Variants in ARL8B observed in about 807,000 individuals in gnomAD.
ARL8B encodes ADP-ribosylation factor-like protein 8B.
Under a neutral mutation model 30.6 loss-of-function variants are expected in ARL8B, and 9 were observed. That is an observed-to-expected ratio of 0.29 (90% CI 0.18 to 0.51). The LOEUF (loss-of-function observed/expected upper bound fraction) is 0.51, where lower values mean the gene tolerates loss of function less well. Ranked by LOEUF, ARL8B falls within the 20% of genes least tolerant of loss-of-function variation. ARL8B has a pLI of 0.97. For synonymous variants in ARL8B, 74 were observed against 76.0 expected, an observed-to-expected ratio of 0.97 and a Z score of 0.14; for missense variants, 130 against 227.2, an observed-to-expected ratio of 0.57 and a Z score of 2.75.
chr3:5,177,873 G>C (rs1006381964), intron 6 of ARL8B, among the ~76,000 whole-genome samples: 1 of 152,242 alleles, frequency 6.6e-6, no homozygotes, highest in Non-Finnish European at 1.5e-5. Context: ...TTAAGGTGCA[G>C]AGGTGCTTCT....
intron 1 of ARL8B, among the ~76,000 whole-genome samples, chr3:5,137,113 A>G (rs2054332868): frequency 6.6e-6 from 1 of 152,090 alleles, no homozygotes; most frequent in Admixed American, 6.6e-5. Context: ...TAAATTCTGG[A>G]TATGCCAGAA....
chr3:5,142,764 AC>A (rs1341465535), intron 1 of ARL8B, among the ~76,000 whole-genome samples: 1 of 152,114 alleles, frequency 6.6e-6, no homozygotes, highest in Non-Finnish European at 1.5e-5. Context: ...TAGTTTGAGA[AC>A]AAATCACCCT....
At chr3:5,133,852 G>T (rs2054303830) in intron 1 of ARL8B, among the ~76,000 whole-genome samples, 1 of 152,196 alleles carries the variant, frequency 6.6e-6, no homozygotes. Flanking sequence ...GTGGTAAGGG[G>T]ATGGCTTGAG....
intron 1 of ARL8B, among the ~76,000 whole-genome samples, chr3:5,136,531 A>G (rs1476104121): frequency 2.0e-5 from 3 of 152,014 alleles, no homozygotes; most frequent in South Asian, 4.2e-4. Flanking sequence ...TTCCATGTGC[A>G]TTTTTTGCTT....
intron 6 of ARL8B, among the ~76,000 whole-genome samples, chr3:5,177,559 T>G (rs2054741337): frequency 1.3e-5 from 2 of 151,514 alleles, no homozygotes; most frequent in Non-Finnish European, 2.9e-5. Flanking sequence ...TGGGTTCAAG[T>G]GATCTCCTGC....
At chr3:5,169,963 A>G (rs567416993) in intron 1 of ARL8B, among the ~76,000 whole-genome samples, 1 of 152,350 alleles carries the variant, frequency 6.6e-6, no homozygotes, top group African/African-American at 2.4e-5. Flanking sequence ...GTATGTGGCT[A>G]GCATAAGGCC....
At chr3:5,122,924 C>T (rs530691842) in intron 1 of ARL8B, among the ~76,000 whole-genome samples, 2 of 152,296 alleles carry the variant, frequency 1.3e-5, no homozygotes, top group East Asian at 3.9e-4. Flanking sequence ...TGGGTTTGCC[C>T]AGTAGGGGCA....
chr3:5,175,555 A>G (rs1386507763), intron 6 of ARL8B, among the ~76,000 whole-genome samples: 1 of 152,204 alleles, frequency 6.6e-6, no homozygotes, highest in Non-Finnish European at 1.5e-5. Flanking sequence ...AATACCCTTC[A>G]TTTACTCAAT....
chr3:5,169,094 ATAC>A (rs1380054067), intron 1 of ARL8B, among the ~76,000 whole-genome samples: 2 of 152,190 alleles, frequency 1.3e-5, no homozygotes, highest in African/African-American at 4.8e-5. Context: ...TTTTGGTAAA[ATAC>A]ATAAAACACA....
At chr3:5,160,145 C>T (rs912873250) in intron 1 of ARL8B, among the ~76,000 whole-genome samples, 2 of 152,102 alleles carry the variant, frequency 1.3e-5, no homozygotes, top group African/African-American at 4.8e-5. Flanking sequence ...GAAATATATC[C>T]AGATAACTTT....
At chr3:5,124,572 C>T (rs2054213522) in intron 1 of ARL8B, among the ~76,000 whole-genome samples, 1 of 152,094 alleles carries the variant, frequency 6.6e-6, no homozygotes, top group Non-Finnish European at 1.5e-5. Context: ...CTTATGTGAT[C>T]TTCCCTGTCT....
intron 1 of ARL8B, among the ~76,000 whole-genome samples, chr3:5,132,578 CTTGTTTCT>C (rs2054292593): frequency 1.3e-5 from 2 of 152,158 alleles, no homozygotes; most frequent in Admixed American, 6.6e-5. Context: ...ATCTTGTTCT[CTTGTTTCT>C]AATAGTCTGT....
At chr3:5,138,639 A>G (rs145681222) in intron 1 of ARL8B, among the ~76,000 whole-genome samples, 6 of 152,342 alleles carry the variant, frequency 3.9e-5, no homozygotes, top group South Asian at 4.1e-4. Flanking sequence ...TGTCACTCCA[A>G]CTTCTTACTG....
intron 1 of ARL8B, among the ~76,000 whole-genome samples, chr3:5,166,276 G>T (rs544590949): frequency 6.6e-6 from 1 of 151,518 alleles, no homozygotes; most frequent in African/African-American, 2.4e-5. Flanking sequence ...TTGACCTCGT[G>T]ATCCACCCAC....
chr3:5,161,651 G>T lies in ARL8B; in HGVS notation c.124-8852G>T, dbSNP rs556483096. On this transcript the variant is annotated intron_variant, in intron 1 of 6. Coordinates refer to ENST00000256496, the MANE Select transcript of ARL8B (RefSeq NM_018184.3). Reference sequence around the variant, plus strand: ...CTCTGCATTCTGATTGAGTAAGAGGGTTTAGAGTTCTCTGTATCTAATATA... The same window carrying T: ...CTCTGCATTCTGATTGAGTAAGAGGTTTTAGAGTTCTCTGTATCTAATATA... Among the ~76,000 whole-genome samples the T allele has an allele frequency of 5.3e-5, 8 of 152,278 alleles. No homozygotes were observed. The East Asian group carries it at 1.4e-3, about 26-fold the overall frequency.
chr3:5,127,337 C>T (rs755227620), intron 1 of ARL8B, among the ~76,000 whole-genome samples: 3 of 152,150 alleles, frequency 2.0e-5, no homozygotes, highest in Non-Finnish European at 2.9e-5. Flanking sequence ...AGATCTTAAT[C>T]CATTAAACAT....
At chr3:5,135,017 C>CT (rs2054312882) in intron 1 of ARL8B, among the ~76,000 whole-genome samples, 1 of 152,072 alleles carries the variant, frequency 6.6e-6, no homozygotes, top group South Asian at 2.1e-4. Flanking sequence ...CTTGGCTAAT[C>CT]TTTGTGTTTT....
At chr3:5,167,230 C>T (rs531411255) in intron 1 of ARL8B, among the ~76,000 whole-genome samples, 12 of 152,272 alleles carry the variant, frequency 7.9e-5, no homozygotes, top group African/African-American at 2.9e-4. Context: ...CTCCATCTGC[C>T]ATCACAGAAT....
chr3:5,122,850 G>C (rs1052062948), intron 1 of ARL8B, among the ~76,000 whole-genome samples: 1 of 152,224 alleles, frequency 6.6e-6, no homozygotes, highest in Non-Finnish European at 1.5e-5. Context: ...ACGCCGCGGG[G>C]GCTCGGAAAG....
Sources: gnomAD v4.1 joint callset for allele counts (sites outside exome capture counted in the v4.1 genomes callset) on GRCh38, gnomAD v4.1.1 for gene constraint, MANE v1.5 for transcripts, NCBI Gene and HGNC (gene_info 2026-07-23, HGNC 2026-07-21) for gene names.